The following ABI2 variants were observed in gnomAD, a reference collection of about 807,000 sequenced individuals.
ABI2 encodes abelson interactor 2.
Under a neutral mutation model 59.2 loss-of-function variants are expected in ABI2, and 25 were observed. The ratio of observed to expected loss-of-function variants is 0.42; its 90% CI spans 0.31 to 0.59. The LOEUF is 0.59. Among genes scored for constraint, ABI2 ranks in the 20% least tolerant of loss-of-function variants. ABI2 has a pLI of 0.14. For missense variants in ABI2, 545 were observed against 681.8 expected (o/e 0.80, Z 2.23); for synonymous variants, 213 against 235.5 (o/e 0.90, Z 0.87).
chr2:203,385,094 A>G (rs7569951), intron 4 of ABI2, among the ~76,000 whole-genome samples: 3,147 of 148,044 alleles, frequency 0.021, 126 homozygotes, highest in African/African-American at 0.074. Context: ...CGGCCTCCCA[A>G]AGTGTTGGGA....
intron 1 of ABI2, among the ~76,000 whole-genome samples, chr2:203,342,595 T>TA (rs2080676501): frequency 2.0e-5 from 3 of 151,502 alleles, no homozygotes; most frequent in African/African-American, 7.3e-5. Flanking sequence ...TTTATTTATT[T>TA]TTGAGACAAG....
At chr2:203,334,544 T>C (rs1380489628) in intron 1 of ABI2, among the ~76,000 whole-genome samples, 1 of 152,140 alleles carries the variant, frequency 6.6e-6, no homozygotes, top group Non-Finnish European at 1.5e-5. Context: ...CAAATCCATT[T>C]TGCAGCACCC....
chr2:203,339,944 A>G (rs553468425), intron 1 of ABI2, among the ~76,000 whole-genome samples: 1 of 152,222 alleles, frequency 6.6e-6, no homozygotes, highest in African/African-American at 2.4e-5. Context: ...TCCCATCTGT[A>G]TATGTGGATG....
chr2:203,362,143 C>G (rs2093603148), intron 1 of ABI2, among the ~76,000 whole-genome samples: 1 of 152,256 alleles, frequency 6.6e-6, no homozygotes. Context: ...GGCAGTAGCT[C>G]AGCTAGTTCA....
chr2:203,376,222 A>G lies in ABI2; in HGVS notation c.286-3986A>G. 4 of 988,462 alleles carry G rather than the reference A, an allele frequency of 4.0e-6. No individual in the cohort carries two copies. In the Admixed American group the frequency reaches 8.1e-5, roughly 20 times the overall value. The allele number at this position is 988,462 out of a possible 1,614,324, so 61.2% of individuals were successfully genotyped here. On this transcript the variant is annotated intron_variant, in intron 2 of 11. Coordinates refer to ENST00000261018, the MANE Select transcript of ABI2 (RefSeq NM_001375670.1). ...CCCCAAGGGGACATTTGGCAATGTTAGACATTTTTGGTTGTCACATCTCAT... is the reference window on the plus strand; with the variant it reads ...CCCCAAGGGGACATTTGGCAATGTTGGACATTTTTGGTTGTCACATCTCAT...
rs143801422 is a variant in ABI2, at chr2:203,408,251, C to T, written c.1193-3034C>T. Among the ~76,000 whole-genome samples, 483 of 150,690 alleles carry T rather than the reference C, an allele frequency of 3.2e-3. 4 individuals are homozygous for T. The highest frequency in any genetic ancestry group is 0.011 in the African/African-American group (448 of 40,990). ...GATCTCGGCTCACTGCAGCCTCTAC[C>T]TCCTGGGTTCAAGCGATTCTCCTGG... On this transcript the variant is annotated intron_variant, in intron 9 of 11. Coordinates refer to ENST00000261018, the MANE Select transcript of ABI2 (RefSeq NM_001375670.1).
chr2:203,331,831 A>G (rs1258612198), intron 1 of ABI2, among the ~76,000 whole-genome samples: 1 of 143,464 alleles, frequency 7.0e-6, no homozygotes, highest in Non-Finnish European at 1.5e-5. Context: ...TTTTTTTGAC[A>G]CAGAGTTTCA....
chr2:203,408,966 G>A (rs2097547498), intron 9 of ABI2, among the ~76,000 whole-genome samples: 1 of 148,210 alleles, frequency 6.7e-6, no homozygotes, highest in Non-Finnish European at 1.5e-5. Context: ...AGCCTCCCGA[G>A]TAGCTGGGAC....
chr2:203,357,094 TC>T (rs2092305098), intron 1 of ABI2, among the ~76,000 whole-genome samples: 1 of 152,208 alleles, frequency 6.6e-6, no homozygotes, highest in Non-Finnish European at 1.5e-5. Flanking sequence ...CTTACCACAC[TC>T]AATTTTTTCC....
chr2:203,335,307 G>T (rs185561045), intron 1 of ABI2, among the ~76,000 whole-genome samples: 1 of 152,182 alleles, frequency 6.6e-6, no homozygotes, highest in Non-Finnish European at 1.5e-5. Context: ...CACTCAGGCT[G>T]GAGTGTAGTA....
At chr2:203,402,885 A>T (rs886635908) in intron 9 of ABI2, 151 bp downstream of exon 9, 1 of 536,448 alleles carries the variant, frequency 1.9e-6, no homozygotes, top group South Asian at 6.4e-5. Flanking sequence ...GGTTGTTAAT[A>T]CTGTATCTTT....
chr2:203,361,561 A>G (rs1287505153), intron 1 of ABI2, among the ~76,000 whole-genome samples: 4 of 152,118 alleles, frequency 2.6e-5, no homozygotes. Context: ...CTCTTTTTGT[A>G]GGAGACAGTA....
intron 2 of ABI2, among the ~76,000 whole-genome samples, chr2:203,378,339 C>T (rs754738603): frequency 2.0e-5 from 3 of 152,224 alleles, no homozygotes; most frequent in Non-Finnish European, 2.9e-5. Context: ...TCTCGATCTC[C>T]GGACTTTGTG....
intron 1 of ABI2, among the ~76,000 whole-genome samples, chr2:203,330,764 C>G (rs768152672): frequency 6.6e-6 from 1 of 152,176 alleles, no homozygotes; most frequent in Non-Finnish European, 1.5e-5. Context: ...AAACAGATTT[C>G]TCTCTCTTTT....
At chr2:203,345,072 G>C (rs2082403927) in intron 1 of ABI2, among the ~76,000 whole-genome samples, 10 of 152,172 alleles carry the variant, frequency 6.6e-5, no homozygotes, top group Admixed American at 6.5e-4. Context: ...CCTCTTCCAT[G>C]CTGTGGAAGC....
intron 9 of ABI2, among the ~76,000 whole-genome samples, chr2:203,403,088 T>A (rs2097287095): frequency 6.6e-6 from 1 of 152,216 alleles, no homozygotes; most frequent in Non-Finnish European, 1.5e-5. Flanking sequence ...TGTGTGCACA[T>A]GAACAGAATT....
Position 203,427,887 on chromosome 2 carries a change from G to C in ABI2, c.*535G>C, listed in dbSNP as rs983441281. 3 of 152,544 alleles carry C rather than the reference G, an allele frequency of 2.0e-5. No homozygotes were observed. The highest frequency in any genetic ancestry group is 4.8e-5 in the African/African-American group (2 of 41,426). 9.4% of individuals were successfully genotyped at this position (152,544 alleles called of 1,614,324 possible). On this transcript the variant is annotated 3_prime_UTR_variant, in exon 12 of 12. Coordinates refer to ENST00000261018, the MANE Select transcript of ABI2 (RefSeq NM_001375670.1). Reference sequence around the variant, plus strand: ...TTATTTCAGATGGCTTTTTTCCTCTGTGACACTGTAAATTCTGCATTCTCT... The same window carrying C: ...TTATTTCAGATGGCTTTTTTCCTCTCTGACACTGTAAATTCTGCATTCTCT...
At chr2:203,346,745 T>G (rs564199870) in intron 1 of ABI2, among the ~76,000 whole-genome samples, 2 of 152,204 alleles carry the variant, frequency 1.3e-5, no homozygotes, top group Admixed American at 1.3e-4. Flanking sequence ...TTAACTACTT[T>G]GAGAGAAATA....
intron 11 of ABI2, among the ~76,000 whole-genome samples, chr2:203,421,874 G>C (rs939995418): frequency 6.7e-6 from 1 of 149,072 alleles, no homozygotes; most frequent in Non-Finnish European, 1.5e-5. Flanking sequence ...TGAGGCAGGA[G>C]AATCACTTGA....
Sources: gnomAD v4.1 joint callset for allele counts (sites outside exome capture counted in the v4.1 genomes callset) on GRCh38, gnomAD v4.1.1 for gene constraint, MANE v1.5 for transcripts, NCBI Gene and HGNC (gene_info 2026-07-23, HGNC 2026-07-21) for gene names.